The following ZEB1 variants were observed in gnomAD, a reference collection of about 807,000 sequenced individuals.
ZEB1 encodes zinc finger E-box-binding homeobox 1.
ZEB1 carries 21 observed loss-of-function variants against 84.9 expected under a neutral mutation model. That is an observed-to-expected ratio of 0.25 (90% CI 0.18 to 0.36). ZEB1 has a LOEUF of 0.36. Among genes scored for constraint, ZEB1 ranks in the 10% least tolerant of loss-of-function variants. The probability of loss-of-function intolerance (pLI) is 1.00; values close to 1 mark genes in which losing one functional copy is unlikely to be tolerated. For missense variants in ZEB1, 1,104 were observed against 1,330.2 expected (o/e 0.83, Z 2.65); for synonymous variants, 420 against 471.1 (o/e 0.89, Z 1.41).
intron 1 of ZEB1, among the ~76,000 whole-genome samples, chr10:31,409,797 A>G (rs905572779): frequency 3.3e-5 from 5 of 152,108 alleles, no homozygotes; most frequent in Non-Finnish European, 7.4e-5. Flanking sequence ...TTCACTCATG[A>G]TTTGGCTCTG....
intron 2 of ZEB1, among the ~76,000 whole-genome samples, chr10:31,462,259 C>T (rs1379907784): frequency 1.3e-5 from 2 of 152,108 alleles, no homozygotes; most frequent in Non-Finnish European, 1.5e-5. Flanking sequence ...TAATGGTTAA[C>T]AAGGGACTTT....
chr10:31,489,465 T>G (rs1157500597), intron 2 of ZEB1, among the ~76,000 whole-genome samples: 1 of 151,402 alleles, frequency 6.6e-6, no homozygotes. Context: ...AGGCCATTTA[T>G]ATTTCATAAA....
chr10:31,520,794 G>T lies in ZEB1; in HGVS notation c.1462G>T (p.Val488Phe). The change falls in exon 7 of 9, where the codon GTT becomes TTT. Residue 488 changes from valine (V) to phenylalanine (F), a missense_variant. Transcript: ENST00000424869. This position sits in a 1 kb window ranked among gnomAD's most constrained non-coding sequence, Gnocchi z 5.1. ...YSLEQPSQLQ[V>F]VPQNLKKENP... ...TCTTGAGCAGCCTAGCCAACTTCAA[G>T]TTGTTCCTCAAAATTTAAAAAAAGA... 6.2e-7 allele frequency: 1 copy of T among 1,614,006 alleles called. No individual in the cohort carries two copies.
At chr10:31,468,688 C>CT (rs1382753989) in intron 2 of ZEB1, among the ~76,000 whole-genome samples, 1 of 152,172 alleles carries the variant, frequency 6.6e-6, no homozygotes, top group Non-Finnish European at 1.5e-5. Context: ...TATACAGAGC[C>CT]TTGGCCCCCT....
intron 1 of ZEB1, among the ~76,000 whole-genome samples, chr10:31,451,783 A>G (rs1284201881): frequency 6.6e-6 from 1 of 152,134 alleles, no homozygotes; most frequent in Non-Finnish European, 1.5e-5. Flanking sequence ...AGGGGAAGGT[A>G]ATTTGGGAGG....
intron 3 of ZEB1, among the ~76,000 whole-genome samples, chr10:31,496,239 A>C (rs1410417856): frequency 6.6e-6 from 1 of 152,096 alleles, no homozygotes; most frequent in East Asian, 1.9e-4. Flanking sequence ...AAAGCAGAAG[A>C]AAATAGAAAA....
intron 1 of ZEB1, among the ~76,000 whole-genome samples, chr10:31,419,204 A>G (rs983375197): frequency 1.6e-4 from 25 of 152,086 alleles, no homozygotes; most frequent in Admixed American, 9.2e-4. Context: ...TTAGATAGAA[A>G]CTTAAGTGGA....
intron 1 of ZEB1, among the ~76,000 whole-genome samples, chr10:31,453,585 CAT>C (rs1259300336): frequency 2.0e-5 from 3 of 152,098 alleles, no homozygotes; most frequent in African/African-American, 4.8e-5. Context: ...TGCATGCAAT[CAT>C]GTGCTAAAAA....
chr10:31,325,588 AACAACT>A (rs2035294205), intron 1 of ZEB1, among the ~76,000 whole-genome samples: 1 of 152,078 alleles, frequency 6.6e-6, no homozygotes, highest in Non-Finnish European at 1.5e-5. Flanking sequence ...CTTTTGCAGT[AACAACT>A]ACATCTGTGC....
Position 31,417,799 on chromosome 10 carries a change from TAAA to T in ZEB1, c.59-43229_59-43227del, listed in dbSNP as rs200237778. Among the ~76,000 whole-genome samples the T allele has an allele frequency of 2.2e-3, 320 of 147,620 alleles. 1 individual carries two copies. The highest frequency in any genetic ancestry group is 7.5e-3 in the African/African-American group (306 of 40,570). ...GGGTTTCATAAAGTGCTTGATTCAGTAAAAAAAAAAATTGAACATCTACTATGT... is the reference window on the plus strand; with the variant it reads ...GGGTTTCATAAAGTGCTTGATTCAGTAAAAAAAATTGAACATCTACTATGT... On this transcript the variant is annotated intron_variant, in intron 1 of 8. Transcript: ENST00000424869.
intron 1 of ZEB1, among the ~76,000 whole-genome samples, chr10:31,379,159 T>G (rs989035728): frequency 1.3e-5 from 2 of 152,072 alleles, no homozygotes; most frequent in African/African-American, 4.8e-5. Context: ...AGGACTCATT[T>G]GAATCATGAG....
intron 2 of ZEB1, among the ~76,000 whole-genome samples, chr10:31,467,773 T>G (rs1298905700): frequency 1.3e-5 from 2 of 151,564 alleles, no homozygotes; most frequent in Non-Finnish European, 2.9e-5. Context: ...GGTGTGGGTT[T>G]TTCAGGTGGT....
At chr10:31,405,455 T>C (rs2052795521) in intron 1 of ZEB1, among the ~76,000 whole-genome samples, 2 of 152,206 alleles carry the variant, frequency 1.3e-5, no homozygotes, top group African/African-American at 4.8e-5. Context: ...CCATAAAGCC[T>C]GATGCTTTAT....
chr10:31,364,123 G>A (rs978353846), intron 1 of ZEB1, among the ~76,000 whole-genome samples: 1 of 152,232 alleles, frequency 6.6e-6, no homozygotes, highest in Non-Finnish European at 1.5e-5. Context: ...CCACTTCTCT[G>A]TGGCTGGGTG....
chr10:31,519,339 G>A (rs2071815345), intron 6 of ZEB1, among the ~76,000 whole-genome samples: 1 of 152,162 alleles, frequency 6.6e-6, no homozygotes, highest in South Asian at 2.1e-4. Context: ...GAGAATAAAT[G>A]CCTTTTACCC....
At chr10:31,419,644 G>C (rs1399644275) in intron 1 of ZEB1, among the ~76,000 whole-genome samples, 1 of 152,124 alleles carries the variant, frequency 6.6e-6, no homozygotes, top group African/African-American at 2.4e-5. Flanking sequence ...TTAACCATGA[G>C]TTAAGTTGGA....
chr10:31,489,150 T>C (rs2138768637), intron 2 of ZEB1, among the ~76,000 whole-genome samples: 1 of 151,446 alleles, frequency 6.6e-6, no homozygotes, highest in Non-Finnish European at 1.5e-5. Context: ...GCTCTGTTGT[T>C]AAAGGCATAC....
chr10:31,507,432 C>T (rs1051853134), intron 4 of ZEB1, among the ~76,000 whole-genome samples: 7 of 152,040 alleles, frequency 4.6e-5, no homozygotes, highest in Non-Finnish European at 8.8e-5. Context: ...TTTTCTATCC[C>T]TTTTGTTTCC....
chr10:31,456,409 G>T (rs2061245517), intron 1 of ZEB1, among the ~76,000 whole-genome samples: 1 of 151,830 alleles, frequency 6.6e-6, no homozygotes, highest in African/African-American at 2.4e-5. Context: ...ATAATAAAAA[G>T]ATTTGACTAT....
Sources: gnomAD v4.1 joint callset for allele counts (sites outside exome capture counted in the v4.1 genomes callset) on GRCh38, gnomAD v4.1.1 for gene constraint, Gnocchi (gnomAD v3.1) non-coding constraint, MANE v1.5 for transcripts, NCBI Gene and HGNC (gene_info 2026-07-23, HGNC 2026-07-21) for gene names.